Variants in TPST2 observed in about 807,000 individuals in gnomAD.
TPST2 encodes the protein tyrosylprotein sulfotransferase 2.
In TPST2, 16 loss-of-function variants were observed where a neutral mutation model predicts 27.8. That is an observed-to-expected ratio of 0.58 (90% confidence interval 0.39 to 0.88). The LOEUF (loss-of-function observed/expected upper bound fraction) is 0.88. TPST2 is among the 40% of genes least tolerant of loss of function. The probability of loss-of-function intolerance (pLI) is 0.00; values close to 1 mark genes in which losing one functional copy is unlikely to be tolerated. For synonymous variants in TPST2, 229 were observed against 231.7 expected, an observed-to-expected ratio of 0.99 and a Z score of 0.10; for missense variants, 464 against 543.1, an observed-to-expected ratio of 0.85 and a Z score of 1.45.
rs560615280 is a variant in TPST2 at position 26,587,636 on chromosome 22, G to A, written c.-161+2417C>T. On this transcript the variant is annotated intron_variant, in intron 1 of 6. Coordinates refer to ENST00000338754, the MANE Select transcript of TPST2 (RefSeq NM_003595.5). The stretch of plus-strand genomic sequence containing the variant: ...ATTACAGGTGTGAGCCTCCGTGCCC[G>A]GCCTGAAAATAGTTTACAACTAACA... 7.9e-5 allele frequency among the ~76,000 whole-genome samples: 12 copies of A among 152,148 alleles called. No individual in the cohort carries two copies. The East Asian group carries it at 1.5e-3, about 20-fold the overall frequency.
intron 1 of TPST2, among the ~76,000 whole-genome samples, chr22:26,553,077 A>G (rs2147206801): frequency 6.6e-6 from 1 of 150,462 alleles, no homozygotes; most frequent in East Asian, 1.9e-4. Context: ...AAAAAAAAAA[A>G]AAAAAAAAAG....
chr22:26,589,347 G>A (rs1928464389), intron 1 of TPST2, among the ~76,000 whole-genome samples: 1 of 152,016 alleles, frequency 6.6e-6, no homozygotes, highest in South Asian at 2.1e-4. Flanking sequence ...CAGGTCAGGC[G>A]TGCTCAGCCT....
At chr22:26,577,095 CA>C (rs34865016) in intron 1 of TPST2, among the ~76,000 whole-genome samples, 3,328 of 75,478 alleles carry the variant, frequency 0.044, 83 homozygotes, top group African/African-American at 0.13. Context: ...GACTCTGTTG[CA>C]AAAAAAAAAA....
Position 26,541,406 on chromosome 22 carries a change from G to A in TPST2, c.225C>T (p.Gly75=), listed in dbSNP as rs372198360. The change falls in exon 3 of 7, where the codon GGC becomes GGT. Residue 75 remains glycine (G), a synonymous_variant. Transcript: ENST00000338754. This position sits in a 1 kb window ranked among gnomAD's most constrained non-coding sequence, Gnocchi z 5.9. ...TCAACGTGGTGCCACTGCGAGGCAC[G>A]CCACCCACGAAGATGAGCGGCATGG... ...GKAMPLIFVG[G]VPRSGTTLMR... The A allele has an allele frequency of 8.9e-6, 14 of 1,564,788 alleles. No homozygotes were observed. The South Asian group carries it at 1.2e-4, about 13-fold the overall frequency.
intron 1 of TPST2, among the ~76,000 whole-genome samples, chr22:26,554,860 C>T (rs1315207949): frequency 6.6e-6 from 1 of 152,212 alleles, no homozygotes; most frequent in Non-Finnish European, 1.5e-5. Flanking sequence ...ATTGCTTGAA[C>T]CCAGGAGGAG....
At chr22:26,579,106 T>C (rs966568012) in intron 1 of TPST2, among the ~76,000 whole-genome samples, 4 of 152,296 alleles carry the variant, frequency 2.6e-5, no homozygotes, top group South Asian at 2.1e-4. Flanking sequence ...TCCGCCCGCA[T>C]TGGCCTCCCA....
chr22:26,558,383 T>C (rs1306792719), intron 1 of TPST2, among the ~76,000 whole-genome samples: 1 of 152,126 alleles, frequency 6.6e-6, no homozygotes, highest in Non-Finnish European at 1.5e-5. Context: ...TTAAGTGATC[T>C]GCCTGCCTCG....
chr22:26,566,144 C>T (rs1027867792), intron 1 of TPST2, among the ~76,000 whole-genome samples: 3 of 152,184 alleles, frequency 2.0e-5, no homozygotes, highest in Admixed American at 6.5e-5. Context: ...TGGCCAGGCA[C>T]GGTGGCTCAT....
chr22:26,541,848 T>A lies in TPST2; in HGVS notation c.-88-130A>T. 1.1e-6 allele frequency: 1 copy of A among 916,944 alleles called. No homozygotes were observed. The highest frequency in any genetic ancestry group is 3.1e-5 in the East Asian group (1 of 32,742). The allele number at this position is 916,944 out of a possible 1,614,324, so 56.8% of individuals were successfully genotyped here. A position where few individuals can be genotyped will look rare whatever the true frequency, so the allele number is the denominator to read the frequency against. On this transcript the variant is annotated intron_variant, in intron 2 of 6. Transcript: ENST00000338754. The surrounding 1 kb of genome is among the most constrained non-coding windows in gnomAD (Gnocchi z 5.9). Reference sequence around the variant, plus strand: ...TGCAGAGGGCACCTTTCATAAGCACTAGCTGTGTGCCTGGCACCCTGCTGG... The same window carrying A: ...TGCAGAGGGCACCTTTCATAAGCACAAGCTGTGTGCCTGGCACCCTGCTGG...
chr22:26,545,418 G>A (rs138642995), intron 1 of TPST2, among the ~76,000 whole-genome samples: 1 of 152,228 alleles, frequency 6.6e-6, no homozygotes, highest in Non-Finnish European at 1.5e-5. Flanking sequence ...GTCCTGGCAT[G>A]TAGCCAGAAC....
At chr22:26,533,020 A>G (rs535166537) in intron 4 of TPST2, among the ~76,000 whole-genome samples, 29 of 152,280 alleles carry the variant, frequency 1.9e-4, no homozygotes, top group African/African-American at 7.0e-4. Context: ...AAACACAGAT[A>G]AACAAGGACA....
At chr22:26,562,687 G>A (rs184030639) in intron 1 of TPST2, among the ~76,000 whole-genome samples, 8 of 151,038 alleles carry the variant, frequency 5.3e-5, no homozygotes, top group Non-Finnish European at 1.0e-4. Flanking sequence ...GCAATGGAGC[G>A]ATCTCAGCTC....
intron 1 of TPST2, among the ~76,000 whole-genome samples, chr22:26,583,630 C>T (rs977434857): frequency 2.0e-5 from 3 of 150,286 alleles, no homozygotes; most frequent in Non-Finnish European, 4.4e-5. Flanking sequence ...CCAAGGCAGG[C>T]GGAGTTCGAG....
chr22:26,560,759 T>C lies in TPST2; in HGVS notation c.-160-16084A>G, dbSNP rs530533231. The C allele has an allele frequency of 7.0e-5, 83 of 1,180,300 alleles. No individual in the cohort carries two copies. The East Asian group carries it at 1.9e-3, about 28-fold the overall frequency. The allele number at this position is 1,180,300 out of a possible 1,614,324, so 73.1% of individuals were successfully genotyped here. On this transcript the variant is annotated intron_variant, in intron 1 of 6. Transcript: ENST00000338754. ...ATTACGAAAGAGAAATGAAAACCTA[T>C]ATCCCTCCCAAAGGGGAGACAAAAA...
chr22:26,540,968 C>A lies in TPST2; in HGVS notation c.663G>T (p.Met221Ile). 6.2e-7 allele frequency: 1 copy of A among 1,614,200 alleles called. No homozygotes were observed. Among genetic ancestry groups the A allele is most frequent in the South Asian group, 1.1e-5 (1 of 91,088 alleles). ...TGCCTACCTCCATGCACTGGGCGTACATCACCTCGATGGCCTTGTTCCACT... is the reference window on the plus strand; with the variant it reads ...TGCCTACCTCCATGCACTGGGCGTAAATCACCTCGATGGCCTTGTTCCACT... ...LTKWNKAIEV[M>I]YAQCMEVGKE... is the part of the protein sequence containing the mutation. The change falls in exon 3 of 7, where the codon ATG (methionine) becomes ATT (isoleucine). Residue 221 changes from methionine to isoleucine, a missense_variant. Transcript: ENST00000338754.
intron 1 of TPST2, among the ~76,000 whole-genome samples, chr22:26,561,314 C>T (rs1927080091): frequency 6.6e-6 from 1 of 152,130 alleles, no homozygotes; most frequent in Non-Finnish European, 1.5e-5. Flanking sequence ...AGTTAACACA[C>T]TACCGAATGT....
intron 1 of TPST2, among the ~76,000 whole-genome samples, chr22:26,588,022 T>C (rs975210924): frequency 7.5e-6 from 1 of 133,028 alleles, no homozygotes; most frequent in South Asian, 2.6e-4. Context: ...CCTAGAAATA[T>C]ACCTGAGAGA....
At chr22:26,577,904 T>C (rs977986423) in intron 1 of TPST2, among the ~76,000 whole-genome samples, 1 of 151,972 alleles carries the variant, frequency 6.6e-6, no homozygotes, top group Non-Finnish European at 1.5e-5. Flanking sequence ...GGAGGAGGTC[T>C]AGACCTCCTA....
chr22:26,531,931 C>T (rs961917290), intron 5 of TPST2, among the ~76,000 whole-genome samples: 1 of 152,118 alleles, frequency 6.6e-6, no homozygotes, highest in Non-Finnish European at 1.5e-5. Context: ...ATAAATAATA[C>T]AACTCAAGCT....
Sources: gnomAD v4.1 joint callset for allele counts (sites outside exome capture counted in the v4.1 genomes callset) on GRCh38, gnomAD v4.1.1 for gene constraint, Gnocchi (gnomAD v3.1) non-coding constraint, MANE v1.5 for transcripts, NCBI Gene and HGNC (gene_info 2026-07-23, HGNC 2026-07-21) for gene names.